PHKG2: variants seen among roughly 807,000 people sequenced by gnomAD.
PHKG2 encodes the protein phosphorylase b kinase gamma catalytic chain, liver/testis isoform.
In PHKG2, 28 loss-of-function variants were observed where a neutral mutation model predicts 44.5. The observed-to-expected ratio is 0.63, with a 90% CI of 0.47 to 0.86. The LOEUF (loss-of-function observed/expected upper bound fraction) is 0.86. Among genes scored for constraint, PHKG2 ranks in the 40% least tolerant of loss-of-function variants. The pLI is 0.00. For synonymous variants in PHKG2, 220 were observed against 211.2 expected (o/e 1.04, Z -0.36); for missense variants, 498 against 547.5 (o/e 0.91, Z 0.90).
At position 30,757,523 on chromosome 16, in the gene PHKG2, G is replaced by T; in HGVS notation, c.*426G>T. 1 of 1,614,200 alleles carries T rather than the reference G, an allele frequency of 6.2e-7. No individual in the cohort carries two copies. The highest frequency in any genetic ancestry group is 8.5e-7 in the Non-Finnish European group (1 of 1,180,032). On this transcript the variant is annotated 3_prime_UTR_variant, in exon 10 of 10. Coordinates refer to ENST00000563588, the MANE Select transcript of PHKG2 (RefSeq NM_000294.3). ...TTACCCGGAGGTAGCTGGAAGGGCCGCTCTAGTGCAGTCAACTTGCTGCTG... is the reference window on the plus strand; with the variant it reads ...TTACCCGGAGGTAGCTGGAAGGGCCTCTCTAGTGCAGTCAACTTGCTGCTG...
At position 30,760,672 on chromosome 16, in the gene PHKG2, T is replaced by C; in HGVS notation, c.*3575T>C. ...GGAATGGACGTCCAGGTACTTCCTG[T>C]TATAGTAAAAGAAAAAGAGTATTGG... On this transcript the variant is annotated 3_prime_UTR_variant, in exon 10 of 10. Coordinates refer to ENST00000563588, the MANE Select transcript of PHKG2 (RefSeq NM_000294.3). 6.5e-7 allele frequency: 1 copy of C among 1,526,890 alleles called. No homozygotes were observed. The highest frequency in any genetic ancestry group is 8.7e-7 in the Non-Finnish European group (1 of 1,143,040). The allele number at this position is 1,526,890 out of a possible 1,614,324, so 94.6% of individuals were successfully genotyped here. A position where few individuals can be genotyped will look rare whatever the true frequency, so the allele number is the denominator to read the frequency against.
rs1567270654 is a variant in PHKG2, at chr16:30,760,070, A to G, written c.*2973A>G. 3.3e-6 allele frequency: 5 copies of G among 1,532,276 alleles called. No individual in the cohort carries two copies. The highest frequency in any genetic ancestry group is 4.4e-6 in the Non-Finnish European group (5 of 1,145,062). 94.9% of individuals were successfully genotyped at this position (1,532,276 alleles called of 1,614,324 possible). A position where few individuals can be genotyped will look rare whatever the true frequency, so the allele number is the denominator to read the frequency against. ...CACTATGCATATATTTGCATATATT[A>G]TTTCTCAGAACAGTCCTGTAAAATG... is the stretch of plus-strand genomic sequence containing the variant. On this transcript the variant is annotated 3_prime_UTR_variant, in exon 10 of 10. Coordinates refer to ENST00000563588, the MANE Select transcript of PHKG2 (RefSeq NM_000294.3).
Position 30,748,860 on chromosome 16 carries a change from T to C in PHKG2, c.40T>C (p.Trp14Arg), listed in dbSNP as rs956934807. Residue 14 changes from tryptophan (W) to arginine (R), a missense_variant, in exon 2 of 10, where the codon TGG (tryptophan) becomes CGG (arginine). Physicochemically the swap from Trp to Arg is moderately radical, Grantham distance 101. Transcript: ENST00000563588. ...GGGGCCGGAGGATGAGCTGCCCGAC[T>C]GGGCCGCCGCCAAAGAGTTTTACCA... ...DVGPEDELPD[W>R]AAAKEFYQKY... 3.9e-6 allele frequency: 6 copies of C among 1,554,006 alleles called. No individual in the cohort carries two copies. The highest frequency in any genetic ancestry group is 3.5e-6 in the Non-Finnish European group (4 of 1,148,384).
intron 4 of PHKG2, 121 bp downstream of exon 4, chr16:30,751,724 T>TCTATCACCTGGGCCTGC: frequency 1.1e-6 from 1 of 887,954 alleles, no homozygotes. Context: ...GCTGGGGCTC[T>TCTATCACCTGGGCCTGC]CTATCACCTG....
In PHKG2 at chr16:30,760,809, G is replaced by A. The variant is rs868054576; in HGVS notation, c.*3712G>A. The A allele has an allele frequency of 1.1e-5, 8 of 743,130 alleles. No individual in the cohort carries two copies. The African/African-American group carries it at 1.2e-4, about 11-fold the overall frequency. 46.0% of individuals were successfully genotyped at this position (743,130 alleles called of 1,614,324 possible). A position where few individuals can be genotyped will look rare whatever the true frequency, so the allele number is the denominator to read the frequency against. On this transcript the variant is annotated 3_prime_UTR_variant, in exon 10 of 10. Coordinates refer to ENST00000563588, the MANE Select transcript of PHKG2 (RefSeq NM_000294.3). ...AGCTTGCTGTGTGACTATGCAAATCGTTAACTCTCTGGGCCTAAATGAACT... is the reference window on the plus strand; with the variant it reads ...AGCTTGCTGTGTGACTATGCAAATCATTAACTCTCTGGGCCTAAATGAACT...
chr16:30,757,451 C>T lies in PHKG2; in HGVS notation c.*354C>T. 2.5e-6 allele frequency: 4 copies of T among 1,605,086 alleles called. No homozygotes were observed. The highest frequency in any genetic ancestry group is 3.4e-6 in the Non-Finnish European group (4 of 1,174,512). Reference sequence around the variant, plus strand: ...AGGGATGGTGCCATTCTGGCCCAGACCTTTATTGGGGAAAATGTTGGGGGT... The same window carrying T: ...AGGGATGGTGCCATTCTGGCCCAGATCTTTATTGGGGAAAATGTTGGGGGT... On this transcript the variant is annotated 3_prime_UTR_variant, in exon 10 of 10. Coordinates refer to ENST00000563588, the MANE Select transcript of PHKG2 (RefSeq NM_000294.3).
rs1169920187 is a variant in PHKG2, at chr16:30,760,735, T to G, written c.*3638T>G. The G allele has an allele frequency of 4.2e-6, 6 of 1,428,842 alleles. No individual in the cohort carries two copies. Among genetic ancestry groups the G allele is most frequent in the Non-Finnish European group, 5.8e-6 (6 of 1,036,968 alleles). The allele number at this position is 1,428,842 out of a possible 1,614,324, so 88.5% of individuals were successfully genotyped here. On this transcript the variant is annotated 3_prime_UTR_variant, in exon 10 of 10. Coordinates refer to ENST00000563588, the MANE Select transcript of PHKG2 (RefSeq NM_000294.3). ...ATCATGACAAGGCTGTGACAGCTAG[T>G]GCGTGAGACTGGGAGTTGGCCACCG... is the stretch of plus-strand genomic sequence containing the variant.
rs2053714996 is a variant in PHKG2 at position 30,760,776 on chromosome 16, C to T, written c.*3679C>T. 1 of 940,262 alleles carries T rather than the reference C, an allele frequency of 1.1e-6. No individual in the cohort carries two copies. The highest frequency in any genetic ancestry group is 1.6e-5 in the African/African-American group (1 of 61,786). The allele number at this position is 940,262 out of a possible 1,614,324, so 58.2% of individuals were successfully genotyped here. A position where few individuals can be genotyped will look rare whatever the true frequency, so the allele number is the denominator to read the frequency against. On this transcript the variant is annotated 3_prime_UTR_variant, in exon 10 of 10. Transcript: ENST00000563588. The stretch of plus-strand genomic sequence containing the variant: ...TTGGCCACCGGCGTGAAGCTGGGCT[C>T]TTTTGCCAGCTTGCTGTGTGACTAT...
In PHKG2 at chr16:30,759,070, C is replaced by T. The variant is rs1450943102; in HGVS notation, c.*1973C>T. On this transcript the variant is annotated 3_prime_UTR_variant, in exon 10 of 10. Coordinates refer to ENST00000563588, the MANE Select transcript of PHKG2 (RefSeq NM_000294.3). Reference sequence around the variant, plus strand: ...GTTCCTCTTTCTGCGGGGTAACTGCCTGCTCCTCCATCTCCTTGCTTTCTT... The same window carrying T: ...GTTCCTCTTTCTGCGGGGTAACTGCTTGCTCCTCCATCTCCTTGCTTTCTT... 2 of 1,614,230 alleles carry T rather than the reference C, an allele frequency of 1.2e-6. No homozygotes were observed. Among genetic ancestry groups the T allele is most frequent in the Middle Eastern group, 1.6e-4 (1 of 6,062 alleles).
Position 30,748,785 on chromosome 16 carries a change from C to A in PHKG2, c.-18-18C>A. Reference sequence around the variant, plus strand: ...CCTGTGGGCCTCCCTGCCCTCACTGCCCTCCTCCTCCGCGCAGGCCCCCGC... The same window carrying A: ...CCTGTGGGCCTCCCTGCCCTCACTGACCTCCTCCTCCGCGCAGGCCCCCGC... On this transcript the variant is annotated intron_variant, in intron 1 of 9. Transcript: ENST00000563588. The A allele has an allele frequency of 4.0e-6, 6 of 1,493,766 alleles. No homozygotes were observed. The highest frequency in any genetic ancestry group is 5.5e-6 in the Non-Finnish European group (6 of 1,095,280). 92.5% of individuals were successfully genotyped at this position (1,493,766 alleles called of 1,614,324 possible). A position where few individuals can be genotyped will look rare whatever the true frequency, so the allele number is the denominator to read the frequency against.
At position 30,761,118 on chromosome 16, in the gene PHKG2, G is replaced by T; in HGVS notation, c.*4021G>T. The T allele has an allele frequency of 6.6e-7, 1 of 1,509,138 alleles. No homozygotes were observed. Among genetic ancestry groups the T allele is most frequent in the Admixed American group, 1.7e-5 (1 of 57,584 alleles). 93.5% of individuals were successfully genotyped at this position (1,509,138 alleles called of 1,614,324 possible). On this transcript the variant is annotated 3_prime_UTR_variant, in exon 10 of 10. Coordinates refer to ENST00000563588, the MANE Select transcript of PHKG2 (RefSeq NM_000294.3). The stretch of plus-strand genomic sequence containing the variant: ...TCAGTCTCATCTGTAAAATGGGGAT[G>T]CCCTGGCCACAGACAGGACTGTTGG...
chr16:30,756,781 G>A, intron 9 of PHKG2, 23 bp from the exon 10 acceptor site: 1 of 1,614,128 alleles, frequency 6.2e-7, no homozygotes, highest in African/African-American at 1.3e-5. Flanking sequence ...CTGCACTAGA[G>A]CTCACCCTGC....
In PHKG2 at chr16:30,757,613, T is replaced by C; in HGVS notation, c.*516T>C. 1 of 1,614,140 alleles carries C rather than the reference T, an allele frequency of 6.2e-7. No individual in the cohort carries two copies. The highest frequency in any genetic ancestry group is 1.3e-5 in the African/African-American group (1 of 75,060). On this transcript the variant is annotated 3_prime_UTR_variant, in exon 10 of 10. Coordinates refer to ENST00000563588, the MANE Select transcript of PHKG2 (RefSeq NM_000294.3). ...CCCTGGAGCTGCTCCAGCTCTTTGT[T>C]CACTTGGGTCTTGATGTAGGCTCGG...
At chr16:30,752,702 A>T (rs1181214001) in intron 4 of PHKG2, 2 of 173,896 alleles carry the variant, frequency 1.2e-5, no homozygotes, top group African/African-American at 4.8e-5. Context: ...GATGTCTATT[A>T]TGCCATCCTG....
At chr16:30,754,292 A>G (rs1194071624) in intron 6 of PHKG2, among the ~76,000 whole-genome samples, 1 of 151,780 alleles carries the variant, frequency 6.6e-6, no homozygotes, top group African/African-American at 2.4e-5. Context: ...CAGCCTCCCA[A>G]GTAGTTGGGA....
rs756188707 is a variant in PHKG2 at position 30,759,304 on chromosome 16, C to T, written c.*2207C>T. The T allele has an allele frequency of 1.1e-5, 17 of 1,612,242 alleles. No homozygotes were observed. Among genetic ancestry groups the T allele is most frequent in the South Asian group, 2.2e-5 (2 of 91,040 alleles). On this transcript the variant is annotated 3_prime_UTR_variant, in exon 10 of 10. Transcript: ENST00000563588. ...AGTGCACCTGTGCTGAGGGGAGGGG[C>T]GGTTGAGGGTGGCTCCTCATGGTCC...
Position 30,751,115 on chromosome 16 carries a change from C to G in PHKG2, c.105C>G (p.Ser35Arg). The G allele has an allele frequency of 6.2e-7, 1 of 1,613,648 alleles. No individual in the cohort carries two copies. Among genetic ancestry groups the G allele is most frequent in the Non-Finnish European group, 8.5e-7 (1 of 1,180,026 alleles). Residue 35 changes from serine to arginine, a missense_variant, in exon 3 of 10, where the codon AGC (serine) becomes AGG (arginine). Ser to Arg is a moderately radical substitution (Grantham distance 110). Transcript: ENST00000563588. Reference sequence around the variant, plus strand: ...TTTCCGGCTCTTGCAGAGGAGTGAGCTCTGTGGTCCGCCGTTGTGTTCATC... The same window carrying G: ...TTTCCGGCTCTTGCAGAGGAGTGAGGTCTGTGGTCCGCCGTTGTGTTCATC... Reference protein sequence around the residue: ...DPKDVIGRGVSSVVRRCVHRA... With the variant: ...DPKDVIGRGVRSVVRRCVHRA...
intron 6 of PHKG2, chr16:30,754,889 C>T (rs531062152): frequency 2.0e-5 from 9 of 455,886 alleles, no homozygotes; most frequent in Middle Eastern, 3.3e-4. Flanking sequence ...ACAGTGAGCT[C>T]GGTAAGGGCT....
rs1419048609 is a variant in PHKG2 at position 30,760,210 on chromosome 16, T to C, written c.*3113T>C. 3 of 1,611,498 alleles carry C rather than the reference T, an allele frequency of 1.9e-6. No individual in the cohort carries two copies. In the South Asian group the frequency reaches 3.3e-5, roughly 18 times the overall value. ...CCAGGCAGAAATCCCCTGCTTCTGC[T>C]TCCCATGGTCACTTGTGCCAGGCCC... On this transcript the variant is annotated 3_prime_UTR_variant, in exon 10 of 10. Transcript: ENST00000563588.
Sources: allele counts gnomAD v4.1 joint callset (sites outside exome capture counted in the v4.1 genomes callset), GRCh38; gene constraint gnomAD v4.1.1; transcripts MANE v1.5; gene names NCBI Gene and HGNC (gene_info 2026-07-23, HGNC 2026-07-21).